Variants in LSAMP observed in about 807,000 individuals in gnomAD.
LSAMP encodes the protein limbic system associated membrane protein.
A neutral mutation model predicts 38.6 loss-of-function variants in LSAMP; 7 were observed. The ratio of observed to expected loss-of-function variants is 0.18; its 90% confidence interval spans 0.10 to 0.34. The LOEUF (loss-of-function observed/expected upper bound fraction) is 0.34. Ranked by LOEUF, LSAMP falls within the 10% of genes least tolerant of loss-of-function variation. The pLI is 1.00. For missense variants in LSAMP, 313 were observed against 420.0 expected (o/e 0.75, Z 2.23); for synonymous variants, 154 against 166.8 (o/e 0.92, Z 0.59).
chr3:116,257,888 G>A (rs2046771888), intron 1 of LSAMP, among the ~76,000 whole-genome samples: 1 of 152,018 alleles, frequency 6.6e-6, no homozygotes, highest in African/African-American at 2.4e-5. Context: ...TAAAAAAGAA[G>A]TATTCTTTGT....
intron 1 of LSAMP, among the ~76,000 whole-genome samples, chr3:116,404,157 T>C (rs2048874214): frequency 6.6e-6 from 1 of 152,194 alleles, no homozygotes; most frequent in Admixed American, 6.6e-5. Flanking sequence ...TTTGAAATGT[T>C]ACCATGTATT....
chr3:116,443,976 A>G (rs1189043502), intron 1 of LSAMP, among the ~76,000 whole-genome samples: 1 of 152,226 alleles, frequency 6.6e-6, no homozygotes, highest in Non-Finnish European at 1.5e-5. Flanking sequence ...TCTAGCTCAC[A>G]GTACCTGATA....
At chr3:116,117,961 T>G (rs747475884) in intron 1 of LSAMP, among the ~76,000 whole-genome samples, 12 of 152,156 alleles carry the variant, frequency 7.9e-5, no homozygotes, top group Non-Finnish European at 1.5e-4. Context: ...ATTGTTTTTC[T>G]TTTGAGTCAT....
At position 116,216,075 on chromosome 3, in the gene LSAMP, C is replaced by T. The variant is rs896118911; in HGVS notation, c.156-129519G>A. ...AATATTTTTAGATGAATCTGAAATCCACCTATCCATAGTTTCCAGTGTGAT... is the reference window on the plus strand; with the variant it reads ...AATATTTTTAGATGAATCTGAAATCTACCTATCCATAGTTTCCAGTGTGAT... On this transcript the variant is annotated intron_variant, in intron 1 of 6. Coordinates refer to ENST00000490035, the MANE Select transcript of LSAMP (RefSeq NM_002338.5). Among the ~76,000 whole-genome samples the T allele has an allele frequency of 2.4e-4, 37 of 152,064 alleles. 1 individual carries two copies. Among genetic ancestry groups the T allele is most frequent in the Admixed American group, 6.6e-5 (1 of 15,266 alleles).
At chr3:116,000,166 C>G (rs1190594987) in intron 3 of LSAMP, among the ~76,000 whole-genome samples, 6 of 152,142 alleles carry the variant, frequency 3.9e-5, no homozygotes, top group Non-Finnish European at 8.8e-5. Flanking sequence ...CTTAATGCCT[C>G]TACTCTTTGT....
intron 1 of LSAMP, among the ~76,000 whole-genome samples, chr3:116,352,919 C>G (rs1448768158): frequency 2.6e-5 from 4 of 152,028 alleles, no homozygotes; most frequent in Admixed American, 2.6e-4. Context: ...CATTGGTTGT[C>G]TGAACAAAGA....
intron 1 of LSAMP, among the ~76,000 whole-genome samples, chr3:116,232,780 AACACAGAGG>A (rs374862734): frequency 2.5e-4 from 36 of 142,408 alleles, no homozygotes; most frequent in African/African-American, 9.3e-4. Context: ...ATAGGTCTTA[AACACAGAGG>A]AAGTAGAACT....
chr3:115,866,034 T>C (rs1472379938), intron 3 of LSAMP, among the ~76,000 whole-genome samples: 2 of 152,192 alleles, frequency 1.3e-5, no homozygotes, highest in African/African-American at 4.8e-5. Context: ...AGTTTATCTA[T>C]ATAGGCTTCT....
chr3:115,857,390 C>A (rs1433466186), intron 3 of LSAMP, among the ~76,000 whole-genome samples: 1 of 152,204 alleles, frequency 6.6e-6, no homozygotes, highest in Admixed American at 6.5e-5. Flanking sequence ...GTCTTTTATT[C>A]TCTCAACCTT....
In LSAMP at chr3:115,844,710, C is replaced by T. The variant is rs944653476; in HGVS notation, c.650-2132G>A. 1.2e-4 allele frequency among the ~76,000 whole-genome samples: 18 copies of T among 152,280 alleles called. No homozygotes were observed. In the East Asian group the frequency reaches 2.1e-3, roughly 18 times the overall value. On this transcript the variant is annotated intron_variant, in intron 4 of 6. Coordinates refer to ENST00000490035, the MANE Select transcript of LSAMP (RefSeq NM_002338.5). ...AAAATGTTGGGGCTGGGCATGATGG[C>T]TCATGCCTCTAATCCTAGCACTTTG...
At chr3:116,011,010 A>G (rs150273989) in intron 3 of LSAMP, among the ~76,000 whole-genome samples, 1 of 148,020 alleles carries the variant, frequency 6.8e-6, no homozygotes, top group African/African-American at 2.6e-5. Flanking sequence ...GGCATAGTTT[A>G]TGCTTTTTTT....
intron 1 of LSAMP, among the ~76,000 whole-genome samples, chr3:116,204,148 C>T (rs1374423559): frequency 6.6e-6 from 1 of 152,020 alleles, no homozygotes; most frequent in Admixed American, 6.6e-5. Flanking sequence ...TCTCTGATAG[C>T]CAGTGATGAT....
At chr3:116,051,578 A>G (rs1941397744) in intron 2 of LSAMP, among the ~76,000 whole-genome samples, 1 of 152,200 alleles carries the variant, frequency 6.6e-6, no homozygotes, top group Admixed American at 6.5e-5. Context: ...GTGAAAAATC[A>G]AGGGGCAATC....
intron 1 of LSAMP, among the ~76,000 whole-genome samples, chr3:116,178,074 A>G (rs966319117): frequency 1.4e-5 from 2 of 144,886 alleles, no homozygotes; most frequent in Non-Finnish European, 3.0e-5. Flanking sequence ...TTTGAGGGCT[A>G]TTGCTCTGAT....
intron 1 of LSAMP, among the ~76,000 whole-genome samples, chr3:116,343,571 A>G (rs1455592741): frequency 1.3e-5 from 2 of 152,144 alleles, no homozygotes; most frequent in African/African-American, 4.8e-5. Context: ...GCATCATGCC[A>G]TGTATAAGAT....
intron 1 of LSAMP, among the ~76,000 whole-genome samples, chr3:116,095,630 C>T (rs1287675266): frequency 6.6e-6 from 1 of 152,122 alleles, no homozygotes; most frequent in African/African-American, 2.4e-5. Flanking sequence ...AAATAAGACA[C>T]AAATTCTAAA....
chr3:116,255,863 C>G (rs1263802280), intron 1 of LSAMP, among the ~76,000 whole-genome samples: 1 of 152,146 alleles, frequency 6.6e-6, no homozygotes, highest in Non-Finnish European at 1.5e-5. Context: ...GAGGCAAAAA[C>G]CACACTTTAG....
intron 1 of LSAMP, among the ~76,000 whole-genome samples, chr3:116,141,634 AT>A (rs1352574860): frequency 6.6e-6 from 1 of 151,844 alleles, no homozygotes; most frequent in African/African-American, 2.4e-5. Context: ...GGGAGTCATC[AT>A]GTGATTGTGT....
At chr3:115,846,690 C>G (rs533114478) in intron 4 of LSAMP, among the ~76,000 whole-genome samples, 40 of 152,252 alleles carry the variant, frequency 2.6e-4, no homozygotes, top group Non-Finnish European at 4.6e-4. Context: ...AACTCATGCT[C>G]TGAACCTCTC....
Sources: allele counts gnomAD v4.1 joint callset (sites outside exome capture counted in the v4.1 genomes callset), GRCh38; gene constraint gnomAD v4.1.1; transcripts MANE v1.5; gene names NCBI Gene and HGNC (gene_info 2026-07-23, HGNC 2026-07-21).